The following SBNO2 variants were observed in gnomAD, a reference collection of about 807,000 sequenced individuals.
SBNO2 encodes the protein protein strawberry notch homolog 2.
In SBNO2, 89 loss-of-function variants were observed where a neutral mutation model predicts 146.3. That is an observed-to-expected ratio of 0.61 (90% CI 0.51 to 0.73). SBNO2 has a LOEUF of 0.73. SBNO2 is among the 30% of genes least tolerant of loss of function. The pLI, the probability that SBNO2 is intolerant of heterozygous loss-of-function variation, is 0.00. For synonymous variants in SBNO2, 1,147 were observed against 892.6 expected (o/e 1.29, Z -5.08); for missense variants, 2,092 against 2,003.7 (o/e 1.04, Z -0.84).
Position 1,109,853 on chromosome 19 carries a change from G to C in SBNO2, c.3029-76C>G, listed in dbSNP as rs527834305. The C allele has an allele frequency of 7.9e-6, 9 of 1,145,338 alleles. 1 individual carries two copies. The Middle Eastern group carries it at 8.3e-4, about 106-fold the overall frequency. The allele number at this position is 1,145,338 out of a possible 1,614,324, so 70.9% of individuals were successfully genotyped here. The stretch of plus-strand genomic sequence containing the variant: ...TGGGGCCAGGGTCAGTCCCGTAGCC[G>C]GGGCGCACCCTAGAGACGACCCCCC... On this transcript the variant is annotated intron_variant, in intron 26 of 31. Coordinates refer to ENST00000361757, the MANE Select transcript of SBNO2 (RefSeq NM_014963.3). The surrounding 1 kb of genome is among the most constrained non-coding windows in gnomAD (Gnocchi z 4.2).
At chr19:1,120,106 C>CAGGAAGG in intron 11 of SBNO2, 83 bp from the exon 12 acceptor site, 6 of 1,074,322 alleles carry the variant, frequency 5.6e-6, no homozygotes, top group Non-Finnish European at 6.8e-6. Context: ...AAGACCCCAC[C>CAGGAAGG]TTCCTGGTGG....
intron 4 of SBNO2, chr19:1,128,046 C>A (rs1356595181): frequency 7.4e-6 from 4 of 542,930 alleles, no homozygotes; most frequent in African/African-American, 5.7e-5. Context: ...GAACTCCTGA[C>A]CTCAAGTGAT....
rs987823313 is a variant in SBNO2, at chr19:1,150,540, G to A, written c.94-1098C>T. Among the ~76,000 whole-genome samples the A allele has an allele frequency of 6.6e-6, 1 of 152,070 alleles. No homozygotes were observed. The highest frequency in any genetic ancestry group is 1.5e-5 in the Non-Finnish European group (1 of 67,964). Reference sequence around the variant, plus strand: ...CGGACGCCCCCACGGTCACGGGGGAGACCCTGCCGTCACGGACGCCCCCGT... The same window carrying A: ...CGGACGCCCCCACGGTCACGGGGGAAACCCTGCCGTCACGGACGCCCCCGT... On this transcript the variant is annotated intron_variant, in intron 2 of 31. Coordinates refer to ENST00000361757, the MANE Select transcript of SBNO2 (RefSeq NM_014963.3). This position sits in a 1 kb window ranked among gnomAD's most constrained non-coding sequence, Gnocchi z 6.2.
chr19:1,118,188 A>T (rs935591039), intron 14 of SBNO2, among the ~76,000 whole-genome samples: 7 of 151,994 alleles, frequency 4.6e-5, no homozygotes, highest in Admixed American at 6.5e-5. Flanking sequence ...AAAAATATAA[A>T]ATTGGCCGGG....
In SBNO2 at chr19:1,126,100, A is replaced by G. The variant is rs2079962871; in HGVS notation, c.441+1504T>C. ...TGAGGTTTCCGCCCAAGCCTGCCTG[A>G]GCCCGGGCCGGGTTCTCGGCAGTGT... On this transcript the variant is annotated intron_variant, in intron 5 of 31. Coordinates refer to ENST00000361757, the MANE Select transcript of SBNO2 (RefSeq NM_014963.3). The surrounding 1 kb of genome is among the most constrained non-coding windows in gnomAD (Gnocchi z 4.4). Among the ~76,000 whole-genome samples the G allele has an allele frequency of 6.6e-6, 1 of 152,182 alleles. No individual in the cohort carries two copies. Among genetic ancestry groups the G allele is most frequent in the African/African-American group, 2.4e-5 (1 of 41,448 alleles).
Position 1,116,849 on chromosome 19 carries a change from G to T in SBNO2, c.1782C>A (p.Asn594Lys). 6.3e-7 allele frequency: 1 copy of T among 1,591,272 alleles called. No homozygotes were observed. Among genetic ancestry groups the T allele is most frequent in the East Asian group, 2.3e-5 (1 of 43,826 alleles). Residue 594 changes from asparagine (N) to lysine (K), a missense_variant, in exon 16 of 32, where the codon AAC (asparagine) becomes AAA (lysine). Asn to Lys is a moderately conservative substitution (Grantham distance 94). Coordinates refer to ENST00000361757, the MANE Select transcript of SBNO2 (RefSeq NM_014963.3). ...CTTACTCAGCGGCCGAGACGAAGCA[G>T]TTGAGGTGCCCATCGTTCTCCCCCA... Reference protein sequence around the residue: ...EVLGENDGHLNCFVSAAEGVF... With the variant: ...EVLGENDGHLKCFVSAAEGVF...
intron 1 of SBNO2, among the ~76,000 whole-genome samples, chr19:1,160,638 T>C (rs548162959): frequency 2.5e-4 from 38 of 152,300 alleles, no homozygotes; most frequent in Non-Finnish European, 4.9e-4. Context: ...CCAGTGATTT[T>C]TGTGCCTCAG....
At chr19:1,167,074 C>T (rs919861426) in intron 1 of SBNO2, among the ~76,000 whole-genome samples, 2 of 152,260 alleles carry the variant, frequency 1.3e-5, no homozygotes, top group Admixed American at 1.3e-4. Flanking sequence ...GAGGAAGAGT[C>T]CCTTCTGGCT....
intron 4 of SBNO2, among the ~76,000 whole-genome samples, chr19:1,132,674 T>C (rs1420259254): frequency 6.6e-6 from 1 of 151,954 alleles, no homozygotes; most frequent in African/African-American, 2.4e-5. Context: ...CCCCTGGGGC[T>C]CTCCCCACCC....
chr19:1,109,917 C>T lies in SBNO2; in HGVS notation c.3029-140G>A. The T allele has an allele frequency of 1.5e-6, 1 of 652,926 alleles. No homozygotes were observed. Among genetic ancestry groups the T allele is most frequent in the South Asian group, 1.9e-5 (1 of 51,534 alleles). 40.4% of individuals were successfully genotyped at this position (652,926 alleles called of 1,614,324 possible). ...AGGGTGTCCTGGATCCTGGCCTGAC[C>T]TGGCCCAGCGTGGGGATGGTGCACG... is the stretch of plus-strand genomic sequence containing the variant. On this transcript the variant is annotated intron_variant, in intron 26 of 31. Coordinates refer to ENST00000361757, the MANE Select transcript of SBNO2 (RefSeq NM_014963.3). The surrounding 1 kb of genome is among the most constrained non-coding windows in gnomAD (Gnocchi z 4.2).
Position 1,150,865 on chromosome 19 carries a change from C to T in SBNO2, c.94-1423G>A, listed in dbSNP as rs542275312. On this transcript the variant is annotated intron_variant, in intron 2 of 31. Transcript: ENST00000361757. This position sits in a 1 kb window ranked among gnomAD's most constrained non-coding sequence, Gnocchi z 6.2. ...GGGATTCCAGGACCCCCGACAGCCTCGAGATAGGCAAAGCCCTCGGGGTGA... is the reference window on the plus strand; with the variant it reads ...GGGATTCCAGGACCCCCGACAGCCTTGAGATAGGCAAAGCCCTCGGGGTGA... 4.2e-4 allele frequency among the ~76,000 whole-genome samples: 64 copies of T among 152,312 alleles called. No individual in the cohort carries two copies. The highest frequency in any genetic ancestry group is 9.9e-4 in the African/African-American group (41 of 41,560).
intron 14 of SBNO2, among the ~76,000 whole-genome samples, chr19:1,118,219 C>G (rs1240297956): frequency 6.6e-6 from 1 of 152,096 alleles, no homozygotes; most frequent in Non-Finnish European, 1.5e-5. Context: ...ATGCCTGTAA[C>G]CCCAGCTACG....
chr19:1,159,460 T>C (rs1599876993), intron 1 of SBNO2, among the ~76,000 whole-genome samples: 1 of 42,538 alleles, frequency 2.4e-5, no homozygotes, highest in African/African-American at 9.8e-5. Context: ...CAAGAGGGGG[T>C]AGCAAGGGAC....
In SBNO2 at chr19:1,108,492, G is replaced by T; in HGVS notation, c.3829C>A (p.Pro1277Thr). The stretch of plus-strand genomic sequence containing the variant: ...CCGGCGTCCAGGGACAGCGGCGCCG[G>T]GAAAGAGAAGTGCGGGGGCGGCGGG... ...AFPPPPHFSF[P>T]APLSLDAGPG... Residue 1277 changes from proline (P) to threonine (T), a missense_variant, in exon 32 of 32, where the codon CCG (proline) becomes ACG (threonine). Transcript: ENST00000361757. The T allele has an allele frequency of 8.2e-7, 1 of 1,220,006 alleles. No individual in the cohort carries two copies. Among genetic ancestry groups the T allele is most frequent in the East Asian group, 4.0e-5 (1 of 25,176 alleles). 75.6% of individuals were successfully genotyped at this position (1,220,006 alleles called of 1,614,324 possible).
chr19:1,159,294 C>T (rs929369003), intron 1 of SBNO2, among the ~76,000 whole-genome samples: 5 of 151,802 alleles, frequency 3.3e-5, no homozygotes, highest in African/African-American at 1.2e-4. Flanking sequence ...CCGCCAGGAC[C>T]GTCTGGTGGG....
chr19:1,127,800 C>A, intron 4 of SBNO2, 35 bp from the exon 5 acceptor site: 1 of 1,601,220 alleles, frequency 6.2e-7, no homozygotes, highest in Admixed American at 1.7e-5. Context: ...GAGGGTGGTA[C>A]GGGAGACACC....
intron 4 of SBNO2, chr19:1,132,024 A>C: frequency 7.8e-7 from 1 of 1,284,098 alleles, no homozygotes; most frequent in South Asian, 1.5e-5. Flanking sequence ...GGCCGTCCTG[A>C]ATGGGGTCCC....
rs923957681 is a variant in SBNO2 at position 1,126,718 on chromosome 19, G to A, written c.441+886C>T. Among the ~76,000 whole-genome samples, 8 of 152,224 alleles carry A rather than the reference G, an allele frequency of 5.3e-5. No homozygotes were observed. The highest frequency in any genetic ancestry group is 1.2e-4 in the African/African-American group (5 of 41,468). ...GCCCACCACTGTGCCGGGAGCGTGC[G>A]GAGGCTGGCATGGGCCCTCACCGGA... On this transcript the variant is annotated intron_variant, in intron 5 of 31. Coordinates refer to ENST00000361757, the MANE Select transcript of SBNO2 (RefSeq NM_014963.3). This position sits in a 1 kb window ranked among gnomAD's most constrained non-coding sequence, Gnocchi z 4.4.
Position 1,144,922 on chromosome 19 carries a change from A to C in SBNO2, c.279+2387T>G, listed in dbSNP as rs2080174482. ...CAGAGGCGGAGATGGAGACAGAGAC[A>C]GAGAGACAGAGACAGAGAGGGAGAC... On this transcript the variant is annotated intron_variant, in intron 4 of 31. Transcript: ENST00000361757. The surrounding 1 kb of genome is among the most constrained non-coding windows in gnomAD (Gnocchi z 4.1). 6.6e-6 allele frequency among the ~76,000 whole-genome samples: 1 copy of C among 151,114 alleles called. No homozygotes were observed. Among genetic ancestry groups the C allele is most frequent in the African/African-American group, 2.4e-5 (1 of 40,980 alleles).
Sources: gnomAD v4.1 joint callset for allele counts (sites outside exome capture counted in the v4.1 genomes callset) on GRCh38, gnomAD v4.1.1 for gene constraint, Gnocchi (gnomAD v3.1) non-coding constraint, MANE v1.5 for transcripts, NCBI Gene and HGNC (gene_info 2026-07-23, HGNC 2026-07-21) for gene names.